DNAJB6: variants seen among roughly 807,000 people sequenced by gnomAD.
The protein encoded by DNAJB6 is DnaJ heat shock protein family (Hsp40) member B6.
Under a neutral mutation model 42.7 loss-of-function variants are expected in DNAJB6, and 16 were observed. The observed-to-expected ratio is 0.37, with a 90% CI of 0.25 to 0.57. The LOEUF (loss-of-function observed/expected upper bound fraction) is 0.57, where lower values mean the gene tolerates loss of function less well. Among genes scored for constraint, DNAJB6 ranks in the 20% least tolerant of loss-of-function variants. The pLI, the probability that DNAJB6 is intolerant of heterozygous loss-of-function variation, is 0.74. For synonymous variants in DNAJB6, 170 were observed against 163.5 expected (o/e 1.04, Z -0.30); for missense variants, 347 against 416.8 (o/e 0.83, Z 1.46).
At chr7:157,404,489 A>G (rs1355615140) in intron 8 of DNAJB6, among the ~76,000 whole-genome samples, 18 of 118,922 alleles carry the variant, frequency 1.5e-4, no homozygotes, top group African/African-American at 5.5e-4. Flanking sequence ...TTTTTTTGAT[A>G]GAGATGGGGT....
chr7:157,395,668 C>G lies in DNAJB6; in HGVS notation c.691+10057C>G, dbSNP rs906919743. ...GTCTGCAAAAGTTACAACATTCATT[C>G]TACGTTTTTTCTTTTCTTTTTTTTT... On this transcript the variant is annotated intron_variant, in intron 8 of 9. Transcript: ENST00000262177. Among the ~76,000 whole-genome samples, 8 of 150,154 alleles carry G rather than the reference C, an allele frequency of 5.3e-5. No homozygotes were observed. In the South Asian group the frequency reaches 6.3e-4, roughly 12 times the overall value.
intron 9 of DNAJB6, chr7:157,415,194 G>T (rs1308854244): frequency 1.3e-5 from 2 of 152,220 alleles, no homozygotes; most frequent in Non-Finnish European, 2.9e-5. Flanking sequence ...TTCAACATCG[G>T]GCCTGTTTCC....
chr7:157,340,472 A>G (rs1182654566), intron 1 of DNAJB6, among the ~76,000 whole-genome samples: 2 of 151,732 alleles, frequency 1.3e-5, no homozygotes, highest in African/African-American at 2.4e-5. Context: ...GTTAGAAACG[A>G]TGATGTAGGA....
Position 157,408,696 on chromosome 7 carries a change from A to G in DNAJB6, c.692-1099A>G, listed in dbSNP as rs775783336. Among the ~76,000 whole-genome samples, 12 of 152,204 alleles carry G rather than the reference A, an allele frequency of 7.9e-5. 1 individual carries two copies. The highest frequency in any genetic ancestry group is 1.6e-4 in the Non-Finnish European group (11 of 68,030). ...GCAGGCCCTGGGCCTGGCACTCAGC[A>G]CTGGAAGTGGTGTATAGGCCAGTTT... On this transcript the variant is annotated intron_variant, in intron 8 of 9. Coordinates refer to ENST00000262177, the MANE Select transcript of DNAJB6 (RefSeq NM_058246.4).
chr7:157,397,823 G>A (rs974341708), intron 8 of DNAJB6, among the ~76,000 whole-genome samples: 6 of 152,172 alleles, frequency 3.9e-5, no homozygotes, highest in African/African-American at 9.6e-5. Flanking sequence ...AGCCCATCAC[G>A]TGGCTGGCAA....
intron 5 of DNAJB6, among the ~76,000 whole-genome samples, chr7:157,375,070 C>G (rs563957859): frequency 1.3e-5 from 2 of 152,282 alleles, no homozygotes; most frequent in East Asian, 3.9e-4. Flanking sequence ...ACTGTAGGTG[C>G]AAGATGTAGG....
At chr7:157,369,199 A>T (rs1208860935) in intron 5 of DNAJB6, 1 of 443,936 alleles carries the variant, frequency 2.3e-6, no homozygotes, top group Non-Finnish European at 4.5e-6. Flanking sequence ...ATCAGCAGAA[A>T]CAGAGCTCAA....
chr7:157,416,941 C>G lies in DNAJB6; in HGVS notation c.*843C>G, dbSNP rs1022138872. On this transcript the variant is annotated 3_prime_UTR_variant, in exon 10 of 10. Transcript: ENST00000262177. Reference sequence around the variant, plus strand: ...GACTCCTTACGAAAGTCACTTCATTCTAACTAGATGCGCCCACTTCCGGTC... The same window carrying G: ...GACTCCTTACGAAAGTCACTTCATTGTAACTAGATGCGCCCACTTCCGGTC... 1 of 152,196 alleles carries G rather than the reference C, an allele frequency of 6.6e-6. No homozygotes were observed. The highest frequency in any genetic ancestry group is 2.4e-5 in the African/African-American group (1 of 41,432). The allele number at this position is 152,196 out of a possible 1,614,324, so 9.4% of individuals were successfully genotyped here.
At chr7:157,340,555 T>C (rs550141882) in intron 1 of DNAJB6, among the ~76,000 whole-genome samples, 1 of 152,166 alleles carries the variant, frequency 6.6e-6, no homozygotes, top group Non-Finnish European at 1.5e-5. Flanking sequence ...TGTATTGATA[T>C]TAATGAGGTG....
chr7:157,382,207 A>G (rs544075361), intron 5 of DNAJB6, 39 bp from the exon 6 acceptor site: 39 of 1,532,910 alleles, frequency 2.5e-5, no homozygotes, highest in East Asian at 1.4e-4. Context: ...AAAAACTTGA[A>G]AAAAAGACTT....
intron 2 of DNAJB6, among the ~76,000 whole-genome samples, chr7:157,361,668 C>T (rs1799603690): frequency 6.6e-6 from 1 of 152,156 alleles, no homozygotes; most frequent in Non-Finnish European, 1.5e-5. Context: ...GGGTATGCTG[C>T]TTCTCTTTTT....
chr7:157,381,978 A>G, intron 5 of DNAJB6: 1 of 265,500 alleles, frequency 3.8e-6, no homozygotes, highest in Non-Finnish European at 7.1e-6. Flanking sequence ...TCCTCCATAA[A>G]GAATGTGTGT....
chr7:157,387,264 G>C (rs906172118), intron 8 of DNAJB6, among the ~76,000 whole-genome samples: 16 of 152,196 alleles, frequency 1.1e-4, no homozygotes, highest in East Asian at 1.9e-4. Context: ...AGTACAAGAA[G>C]AACAACGAGT....
chr7:157,396,043 G>A (rs1445865023), intron 8 of DNAJB6, among the ~76,000 whole-genome samples: 1 of 151,570 alleles, frequency 6.6e-6, no homozygotes, highest in African/African-American at 2.4e-5. Context: ...CGTCTCCTGG[G>A]TTCAAGCGAT....
At chr7:157,338,875 C>T (rs1405414729) in intron 1 of DNAJB6, among the ~76,000 whole-genome samples, 1 of 152,108 alleles carries the variant, frequency 6.6e-6, no homozygotes, top group Non-Finnish European at 1.5e-5. Context: ...TGGAAAGTGT[C>T]CAGGCTTCAT....
intron 8 of DNAJB6, among the ~76,000 whole-genome samples, chr7:157,401,812 A>T (rs1795530076): frequency 6.6e-6 from 1 of 152,232 alleles, no homozygotes; most frequent in South Asian, 2.1e-4. Flanking sequence ...TGACCTCTGC[A>T]GCAGCGGCCC....
intron 4 of DNAJB6, 77 bp from the exon 5 acceptor site, chr7:157,367,296 A>G (rs1047298258): frequency 3.1e-6 from 3 of 958,774 alleles, no homozygotes; most frequent in African/African-American, 3.3e-5. Context: ...GATTTGTATA[A>G]TGTTTTGTCA....
chr7:157,411,948 C>G (rs1265808841), intron 9 of DNAJB6: 1 of 152,224 alleles, frequency 6.6e-6, no homozygotes, highest in African/African-American at 2.4e-5. Context: ...ATCCTTAGAG[C>G]AAAGAGGCCA....
At chr7:157,367,524 C>T (rs776836298) in intron 5 of DNAJB6, 41 bp downstream of exon 5, 32 of 1,198,270 alleles carry the variant, frequency 2.7e-5, no homozygotes, top group East Asian at 2.1e-4. Context: ...GTGTCCATGA[C>T]CCAAATGAGG....
Sources: gnomAD v4.1 joint callset for allele counts (sites outside exome capture counted in the v4.1 genomes callset) on GRCh38, gnomAD v4.1.1 for gene constraint, MANE v1.5 for transcripts, NCBI Gene and HGNC (gene_info 2026-07-23, HGNC 2026-07-21) for gene names.